HS6ST3: variants seen among roughly 807,000 people sequenced by gnomAD.
The protein encoded by HS6ST3 is heparan-sulfate 6-O-sulfotransferase 3.
A neutral mutation model predicts 36.7 loss-of-function variants in HS6ST3; 12 were observed. The ratio of observed to expected loss-of-function variants is 0.33; its 90% CI spans 0.21 to 0.53. The LOEUF (loss-of-function observed/expected upper bound fraction) is 0.53. Ranked by LOEUF, HS6ST3 falls within the 20% of genes least tolerant of loss-of-function variation. HS6ST3 has a pLI of 0.95. For missense variants in HS6ST3, 584 were observed against 640.9 expected (o/e 0.91, Z 0.96); for synonymous variants, 240 against 257.5 (o/e 0.93, Z 0.65).
chr13:96,733,575 C>G (rs1425941347), intron 1 of HS6ST3, among the ~76,000 whole-genome samples: 1 of 152,110 alleles, frequency 6.6e-6, no homozygotes, highest in Non-Finnish European at 1.5e-5. Flanking sequence ...GACACGTAAA[C>G]ATGATATATA....
chr13:96,449,724 A>C (rs1265027809), intron 1 of HS6ST3, among the ~76,000 whole-genome samples: 1 of 152,228 alleles, frequency 6.6e-6, no homozygotes. Flanking sequence ...TCAGAACACT[A>C]TAACAATATA....
chr13:96,378,581 C>T (rs75198074), intron 1 of HS6ST3, among the ~76,000 whole-genome samples: 2,011 of 152,156 alleles, frequency 0.013, 32 homozygotes, highest in African/African-American at 0.037. Context: ...CTTCATTTTC[C>T]GAAACATTTA....
chr13:96,224,785 C>T (rs924090942), intron 1 of HS6ST3, among the ~76,000 whole-genome samples: 5 of 152,188 alleles, frequency 3.3e-5, no homozygotes, highest in African/African-American at 1.2e-4. Context: ...TTTCATGATG[C>T]TGTAGACCAG....
intron 1 of HS6ST3, among the ~76,000 whole-genome samples, chr13:96,831,878 C>T (rs920319700): frequency 2.1e-5 from 3 of 139,610 alleles, no homozygotes; most frequent in Non-Finnish European, 4.5e-5. Flanking sequence ...TCGCTTGAAC[C>T]CGGGAGGCAG....
chr13:96,668,686 C>CTTTTTTTTTTTTTTT (rs146033180), intron 1 of HS6ST3, among the ~76,000 whole-genome samples: 5 of 58,942 alleles, frequency 8.5e-5, no homozygotes, highest in South Asian at 7.4e-4. Context: ...TAGTGCCAAC[C>CTTTTTTTTTTTTTTT]TTTTTTTTTT....
intron 1 of HS6ST3, among the ~76,000 whole-genome samples, chr13:96,582,626 T>A (rs2056346048): frequency 1.3e-5 from 2 of 152,156 alleles, no homozygotes; most frequent in South Asian, 4.1e-4. Flanking sequence ...GAGTAGGAGA[T>A]GTAAATTTCA....
At chr13:96,181,074 T>C (rs2054237612) in intron 1 of HS6ST3, among the ~76,000 whole-genome samples, 1 of 152,228 alleles carries the variant, frequency 6.6e-6, no homozygotes, top group Non-Finnish European at 1.5e-5. Flanking sequence ...TAGTGAACAG[T>C]AGTGGCTGAC....
rs1401112325 is a variant in HS6ST3 at position 96,151,619 on chromosome 13, T to C, written c.707+60050T>C. Among the ~76,000 whole-genome samples the C allele has an allele frequency of 3.3e-5, 5 of 152,206 alleles. No individual in the cohort carries two copies. In the East Asian group the frequency reaches 9.6e-4, roughly 29 times the overall value. Reference sequence around the variant, plus strand: ...GCTGCTGTAACAAAGTGCTACACATTGGGTGGCTTAAAGCAACAAATTTAT... The same window carrying C: ...GCTGCTGTAACAAAGTGCTACACATCGGGTGGCTTAAAGCAACAAATTTAT... On this transcript the variant is annotated intron_variant, in intron 1 of 1. Coordinates refer to ENST00000376705, the MANE Select transcript of HS6ST3 (RefSeq NM_153456.4).
intron 1 of HS6ST3, among the ~76,000 whole-genome samples, chr13:96,562,226 A>C (rs1471130959): frequency 6.6e-6 from 1 of 152,234 alleles, no homozygotes; most frequent in Non-Finnish European, 1.5e-5. Context: ...TCTTTGCCAC[A>C]ATATGGATGC....
At chr13:96,584,853 C>T (rs1267285653) in intron 1 of HS6ST3, among the ~76,000 whole-genome samples, 1 of 152,158 alleles carries the variant, frequency 6.6e-6, no homozygotes, top group Non-Finnish European at 1.5e-5. Flanking sequence ...GAACATTGTC[C>T]CTGAGAGAAA....
In HS6ST3 at chr13:96,514,735, T is replaced by C. The variant is rs60048066; in HGVS notation, c.708-317755T>C. Among the ~76,000 whole-genome samples, 843 of 152,352 alleles carry C rather than the reference T, an allele frequency of 5.5e-3. 8 individuals are homozygous for C. Among genetic ancestry groups the C allele is most frequent in the African/African-American group, 0.019 (794 of 41,590 alleles). On this transcript the variant is annotated intron_variant, in intron 1 of 1. Coordinates refer to ENST00000376705, the MANE Select transcript of HS6ST3 (RefSeq NM_153456.4). ...GTTTTAGCTGCCAGTCTGTGGTATT[T>C]GTTATGGCAGCTTGAGCAGACTAAT...
At chr13:96,640,196 A>G (rs1387654649) in intron 1 of HS6ST3, among the ~76,000 whole-genome samples, 1 of 152,024 alleles carries the variant, frequency 6.6e-6, no homozygotes, top group African/African-American at 2.4e-5. Context: ...ACAGCATATT[A>G]GTGTTCCCTT....
intron 1 of HS6ST3, among the ~76,000 whole-genome samples, chr13:96,821,209 T>G (rs551062548): frequency 3.3e-5 from 5 of 152,220 alleles, no homozygotes; most frequent in Non-Finnish European, 5.9e-5. Context: ...TGTGCTAAAG[T>G]AGAACAGAGG....
At chr13:96,626,965 GCTGTGAATACACT>G (rs2056514834) in intron 1 of HS6ST3, among the ~76,000 whole-genome samples, 1 of 151,948 alleles carries the variant, frequency 6.6e-6, no homozygotes, top group Admixed American at 6.6e-5. Context: ...TGTTTTGTAT[GCTGTGAATACACT>G]CATATCATTT....
chr13:96,163,521 A>G (rs895128404), intron 1 of HS6ST3, among the ~76,000 whole-genome samples: 10 of 152,146 alleles, frequency 6.6e-5, no homozygotes, highest in East Asian at 5.8e-4. Flanking sequence ...GAGCCACTGC[A>G]CCCAGCCCCT....
At chr13:96,223,339 C>A (rs915004371) in intron 1 of HS6ST3, among the ~76,000 whole-genome samples, 2 of 152,170 alleles carry the variant, frequency 1.3e-5, no homozygotes, top group African/African-American at 4.8e-5. Flanking sequence ...TATGTAGAGG[C>A]GTGCTTGTTG....
chr13:96,480,772 C>T lies in HS6ST3; in HGVS notation c.708-351718C>T, dbSNP rs114825440. 6.3e-3 allele frequency among the ~76,000 whole-genome samples: 964 copies of T among 152,160 alleles called. 10 individuals are homozygous for T. Among genetic ancestry groups the T allele is most frequent in the African/African-American group, 0.016 (669 of 41,504 alleles). On this transcript the variant is annotated intron_variant, in intron 1 of 1. Transcript: ENST00000376705. ...AAGTGGTTTGCAGGGAAGTTTAGTGCGATACTGGGAAGTGACTCCCCAGCA... is the reference window on the plus strand; with the variant it reads ...AAGTGGTTTGCAGGGAAGTTTAGTGTGATACTGGGAAGTGACTCCCCAGCA...
At chr13:96,767,030 CA>C (rs1484848423) in intron 1 of HS6ST3, among the ~76,000 whole-genome samples, 1 of 152,144 alleles carries the variant, frequency 6.6e-6, no homozygotes, top group Non-Finnish European at 1.5e-5. Flanking sequence ...GCCTATTCAT[CA>C]AAGGCTTTGA....
At chr13:96,631,842 C>T (rs897089303) in intron 1 of HS6ST3, among the ~76,000 whole-genome samples, 2 of 152,082 alleles carry the variant, frequency 1.3e-5, no homozygotes, top group Non-Finnish European at 2.9e-5. Context: ...GTGAGGTTTA[C>T]GAAAACTGCC....
Sources: gnomAD v4.1 joint callset for allele counts (sites outside exome capture counted in the v4.1 genomes callset) on GRCh38, gnomAD v4.1.1 for gene constraint, MANE v1.5 for transcripts, NCBI Gene and HGNC (gene_info 2026-07-23, HGNC 2026-07-21) for gene names.